DST: variants seen among roughly 807,000 people sequenced by gnomAD.
The protein encoded by DST is dystonin.
A neutral mutation model predicts 875.2 loss-of-function variants in DST; 253 were observed. The ratio of observed to expected loss-of-function variants is 0.29; its 90% CI spans 0.26 to 0.32. The LOEUF is 0.32. DST is among the 10% of genes least tolerant of loss of function. DST has a pLI of 1.00. For missense variants in DST, 8,287 were observed against 9,111.6 expected (o/e 0.91, Z 3.68); for synonymous variants, 3,124 against 3,197.1 (o/e 0.98, Z 0.77).
rs761724008 is a variant in DST at position 56,526,593 on chromosome 6, A to G, written c.17923-26T>C. On this transcript the variant is annotated intron_variant, in intron 68 of 103. Transcript: ENST00000680361. ...CTGAAAACATACAAATAAGTTAGTAACACTTAAGAGCTTCAACAGACTTTT... is the reference window on the plus strand; with the variant it reads ...CTGAAAACATACAAATAAGTTAGTAGCACTTAAGAGCTTCAACAGACTTTT... The G allele has an allele frequency of 3.1e-6, 5 of 1,604,404 alleles. No homozygotes were observed. The African/African-American group carries it at 5.4e-5, about 17-fold the overall frequency.
intron 4 of DST, among the ~76,000 whole-genome samples, chr6:56,759,837 T>C (rs2099613192): frequency 6.6e-6 from 1 of 152,198 alleles, no homozygotes; most frequent in Admixed American, 6.5e-5. Context: ...CACTACACTC[T>C]AGGCAAGGCA....
Position 56,605,728 on chromosome 6 carries a change from G to T in DST, c.8900C>A (p.Ser2967Ter). ...AGAATCAGTCAATTCTGGCAATTCT[G>T]ACCCTTGAATCAACTTAACCTTTGT... ...ANTKVKLIQG[S>*]ELPELTDSVK... The change falls in exon 40 of 104, where the codon TCA (serine) becomes TAA (stop). Residue 2967 changes from serine (S) to a stop codon, truncating the protein, a stop_gained. Transcript: ENST00000680361. LOFTEE classifies it high-confidence loss of function. 6.2e-7 allele frequency: 1 copy of T among 1,612,734 alleles called. No homozygotes were observed. Among genetic ancestry groups the T allele is most frequent in the South Asian group, 1.1e-5 (1 of 91,038 alleles).
intron 4 of DST, among the ~76,000 whole-genome samples, chr6:56,796,575 G>T (rs1350274565): frequency 6.6e-6 from 1 of 152,154 alleles, no homozygotes; most frequent in African/African-American, 2.4e-5. Flanking sequence ...GAAACAGCCT[G>T]CAGTGTGAAA....
chr6:56,820,355 A>T (rs1262325051), intron 4 of DST, among the ~76,000 whole-genome samples: 1 of 152,182 alleles, frequency 6.6e-6, no homozygotes, highest in Non-Finnish European at 1.5e-5. Flanking sequence ...TTGAGAGTGG[A>T]CTGTTGAATT....
chr6:56,670,872 C>T (rs948565051), intron 9 of DST, 65 bp from the exon 10 acceptor site: 9 of 1,120,820 alleles, frequency 8.0e-6, no homozygotes, highest in African/African-American at 7.9e-5. Context: ...TAAGAACCTA[C>T]TATGTGCCAA....
At chr6:56,938,361 C>T (rs1814368137) in intron 2 of DST, among the ~76,000 whole-genome samples, 1 of 151,996 alleles carries the variant, frequency 6.6e-6, no homozygotes, top group African/African-American at 2.4e-5. Flanking sequence ...TGTCCTCAAG[C>T]AACCCTCCCG....
intron 3 of DST, among the ~76,000 whole-genome samples, chr6:56,878,658 G>A (rs1160659168): frequency 2.0e-5 from 3 of 152,138 alleles, no homozygotes; most frequent in Non-Finnish European, 4.4e-5. Flanking sequence ...CAAACTGCCA[G>A]GTCATAACTA....
In DST at chr6:56,602,877, C is replaced by G; in HGVS notation, c.11307+5G>C. ...ATATTTTGTCATCTTTGTTTTGATA[C>G]TTGCCTTGAGAAACTCCAAACGTTT... On this transcript the variant is annotated splice_donor_5th_base_variant and intron_variant, in intron 43 of 103. Coordinates refer to ENST00000680361, the MANE Select transcript of DST (RefSeq NM_001374736.1). The G allele has an allele frequency of 6.7e-7, 1 of 1,502,536 alleles. No individual in the cohort carries two copies. The highest frequency in any genetic ancestry group is 8.8e-7 in the Non-Finnish European group (1 of 1,131,842). 93.1% of individuals were successfully genotyped at this position (1,502,536 alleles called of 1,614,324 possible). A position where few individuals can be genotyped will look rare whatever the true frequency, so the allele number is the denominator to read the frequency against.
intron 37 of DST, among the ~76,000 whole-genome samples, chr6:56,612,328 C>T (rs1006318977): frequency 6.6e-6 from 1 of 152,216 alleles, no homozygotes; most frequent in Admixed American, 6.5e-5. Flanking sequence ...GAGGTCGTGC[C>T]ACTGCACTCC....
intron 68 of DST, 141 bp from the exon 69 acceptor site, chr6:56,526,708 T>A: frequency 1.5e-6 from 1 of 670,914 alleles, no homozygotes; most frequent in Non-Finnish European, 2.4e-6. Context: ...TCAGTCGAGT[T>A]AAATAAACCT....
intron 3 of DST, chr6:56,871,776 TA>T (rs746142378): frequency 0.086 from 8,237 of 95,240 alleles, 7 homozygotes; most frequent in South Asian, 0.16. Flanking sequence ...CAATTAAAAG[TA>T]AAAAAAAAAA....
intron 37 of DST, 40 bp from the exon 38 acceptor site, chr6:56,611,636 A>C: frequency 7.4e-7 from 1 of 1,353,654 alleles, no homozygotes; most frequent in Non-Finnish European, 1.0e-6. Context: ...CTTCCTCCAA[A>C]AGGAGTAAAC....
chr6:56,578,869 A>G lies in DST; in HGVS notation c.12972T>C (p.Leu4324=). 6.2e-7 allele frequency: 1 copy of G among 1,610,876 alleles called. No individual in the cohort carries two copies. The highest frequency in any genetic ancestry group is 8.5e-7 in the Non-Finnish European group (1 of 1,178,560). ...GAAGTAAAGATCCCCTGGCATCTAA[A>G]AGCACTTCAGCCGTTTTCTTCAGTT... ...VEKLKKTAEV[L]LDARGSLLPA... is the part of the protein sequence containing the mutation. The change falls in exon 50 of 104, where the codon CTT becomes CTC. Residue 4324 remains leucine (L), a synonymous_variant. Coordinates refer to ENST00000680361, the MANE Select transcript of DST (RefSeq NM_001374736.1).
chr6:56,619,966 A>G, intron 36 of DST: 1 of 1,613,770 alleles, frequency 6.2e-7, no homozygotes, highest in South Asian at 1.1e-5. Flanking sequence ...TCTGCTTGTC[A>G]TGTTCTTGCT....
intron 3 of DST, among the ~76,000 whole-genome samples, chr6:56,894,836 C>T (rs1462239249): frequency 5.3e-5 from 4 of 74,896 alleles, no homozygotes; most frequent in African/African-American, 2.6e-4. Flanking sequence ...CCGGATGGGG[C>T]GGCTGGCCAG....
chr6:56,771,849 C>T (rs183135276), intron 4 of DST, among the ~76,000 whole-genome samples: 1 of 152,242 alleles, frequency 6.6e-6, no homozygotes, highest in Admixed American at 6.5e-5. Flanking sequence ...AGAAAGTAAC[C>T]GACCTTTTAC....
chr6:56,612,264 C>A (rs929432923), intron 37 of DST, among the ~76,000 whole-genome samples: 2 of 152,062 alleles, frequency 1.3e-5, no homozygotes, highest in African/African-American at 4.8e-5. Context: ...CCAAGCTACT[C>A]GGGAGGCTGA....
intron 36 of DST, chr6:56,618,393 C>T: frequency 6.2e-7 from 1 of 1,614,170 alleles, no homozygotes; most frequent in African/African-American, 1.3e-5. Flanking sequence ...ATCTCAAAAT[C>T]TGGTTTGAAG....
Position 56,797,418 on chromosome 6 carries a change from A to G in DST, c.625+53979T>C, listed in dbSNP as rs1313950832. ...ATCTCTCACTTTACTCAAAAGCTAGAAATTATTAAGCTTAGTGAGGAAGGC... is the reference window on the plus strand; with the variant it reads ...ATCTCTCACTTTACTCAAAAGCTAGGAATTATTAAGCTTAGTGAGGAAGGC... On this transcript the variant is annotated intron_variant, in intron 4 of 103. Coordinates refer to ENST00000680361, the MANE Select transcript of DST (RefSeq NM_001374736.1). 4.6e-5 allele frequency among the ~76,000 whole-genome samples: 7 copies of G among 152,330 alleles called. No individual in the cohort carries two copies. In the South Asian group the frequency reaches 1.5e-3, roughly 32 times the overall value.
Sources: gnomAD v4.1 joint callset for allele counts (sites outside exome capture counted in the v4.1 genomes callset) on GRCh38, gnomAD v4.1.1 for gene constraint, MANE v1.5 for transcripts, NCBI Gene and HGNC (gene_info 2026-07-23, HGNC 2026-07-21) for gene names.